The following NACC2 variants were observed in gnomAD, a reference collection of about 807,000 sequenced individuals.
NACC2 encodes NACC family member 2, also known as nucleus accumbens-associated protein 2.
In NACC2, 8 loss-of-function variants were observed where a neutral mutation model predicts 25.1. The observed-to-expected ratio is 0.32, with a 90% CI of 0.19 to 0.57. The LOEUF is 0.57. NACC2 is among the 20% of genes least tolerant of loss of function. The pLI, the probability that NACC2 is intolerant of heterozygous loss-of-function variation, is 0.89. For missense variants in NACC2, 644 were observed against 650.2 expected, an observed-to-expected ratio of 0.99 and a Z score of 0.10; for synonymous variants, 435 against 294.7, an observed-to-expected ratio of 1.48 and a Z score of -4.88.
chr9:136,037,762 G>C (rs1438941102), intron 2 of NACC2, among the ~76,000 whole-genome samples: 3 of 151,958 alleles, frequency 2.0e-5, no homozygotes, highest in African/African-American at 7.3e-5. Flanking sequence ...TCCCACCTCG[G>C]CTTCCCAAAG....
chr9:136,079,347 C>A (rs78000312), intron 1 of NACC2, among the ~76,000 whole-genome samples: 3,682 of 152,308 alleles, frequency 0.024, 131 homozygotes, highest in African/African-American at 0.083. Flanking sequence ...GGGTGCCATC[C>A]TCTGGCTTCC....
chr9:136,062,476 G>A (rs893825631), intron 1 of NACC2, among the ~76,000 whole-genome samples: 10 of 152,192 alleles, frequency 6.6e-5, no homozygotes, highest in African/African-American at 2.4e-4. Flanking sequence ...AGCAAGATCT[G>A]GTAGCACTTC....
intron 1 of NACC2, among the ~76,000 whole-genome samples, chr9:136,094,128 C>T (rs1019371739): frequency 6.6e-6 from 1 of 152,324 alleles, no homozygotes; most frequent in East Asian, 1.9e-4. Context: ...GGTCAGCACC[C>T]CCGCCACACA....
In NACC2 at chr9:136,007,234, C is replaced by G. The variant is rs1213612561; in HGVS notation, c.*4282G>C. 1 of 154,406 alleles carries G rather than the reference C, an allele frequency of 6.5e-6. No individual in the cohort carries two copies. Among genetic ancestry groups the G allele is most frequent in the Non-Finnish European group, 1.5e-5 (1 of 68,214 alleles). The allele number at this position is 154,406 out of a possible 1,614,324, so 9.6% of individuals were successfully genotyped here. On this transcript the variant is annotated 3_prime_UTR_variant, in exon 6 of 6. Transcript: ENST00000277554. ...ATGCTTGCGATTCTGCATGATTTTC[C>G]TTTCCTTTTCTTTTTCCAAAGAAAC...
At chr9:136,062,844 G>T (rs10776874) in intron 1 of NACC2, among the ~76,000 whole-genome samples, 43,057 of 152,154 alleles carry the variant, frequency 0.28, 6,941 homozygotes, top group Non-Finnish European at 0.36. Flanking sequence ...CTAAGCCTGG[G>T]AGGCCGAGGC....
chr9:136,054,848 G>C (rs1840900606), intron 1 of NACC2, among the ~76,000 whole-genome samples: 2 of 152,088 alleles, frequency 1.3e-5, no homozygotes, highest in Non-Finnish European at 1.5e-5. Flanking sequence ...CATCCTCAGG[G>C]TTGTGGCACC....
At chr9:136,032,394 C>G (rs367930828) in intron 2 of NACC2, among the ~76,000 whole-genome samples, 4 of 152,154 alleles carry the variant, frequency 2.6e-5, no homozygotes, top group African/African-American at 9.6e-5. Flanking sequence ...AAAAAAAAAC[C>G]CTCTTAACCT....
chr9:136,072,298 C>A (rs1327246408), intron 1 of NACC2, among the ~76,000 whole-genome samples: 1 of 151,880 alleles, frequency 6.6e-6, no homozygotes, highest in Non-Finnish European at 1.5e-5. Flanking sequence ...GTAATCCCAG[C>A]ACATTGGGAG....
chr9:136,031,188 G>A (rs1438645752), intron 2 of NACC2, among the ~76,000 whole-genome samples: 1 of 152,130 alleles, frequency 6.6e-6, no homozygotes, highest in Non-Finnish European at 1.5e-5. Flanking sequence ...ACTGTTCCAG[G>A]TCATTAAAGA....
intron 1 of NACC2, among the ~76,000 whole-genome samples, chr9:136,052,764 C>T (rs928679198): frequency 1.3e-5 from 2 of 152,232 alleles, no homozygotes; most frequent in Non-Finnish European, 2.9e-5. Context: ...GCTCCTCCCG[C>T]ACACTCCTGG....
chr9:136,078,062 G>A lies in NACC2; in HGVS notation c.-60+17127C>T, dbSNP rs763344027. ...GCTGGGATTATAGGCATGAGCCACC[G>A]CGTCCGGCCCAATCATACTTTTATA... On this transcript the variant is annotated intron_variant, in intron 1 of 5. Transcript: ENST00000277554. 4.5e-4 allele frequency among the ~76,000 whole-genome samples: 69 copies of A among 152,272 alleles called. 1 individual carries two copies. The highest frequency in any genetic ancestry group is 8.4e-4 in the Non-Finnish European group (57 of 68,018).
Position 136,013,819 on chromosome 9 carries a change from C to T in NACC2, c.1157+45G>A, listed in dbSNP as rs1303451609. 2.6e-6 allele frequency: 4 copies of T among 1,533,912 alleles called. No homozygotes were observed. The East Asian group carries it at 6.8e-5, about 26-fold the overall frequency. On this transcript the variant is annotated intron_variant, in intron 4 of 5. Coordinates refer to ENST00000277554, the MANE Select transcript of NACC2 (RefSeq NM_144653.5). The surrounding 1 kb of genome is among the most constrained non-coding windows in gnomAD (Gnocchi z 6.6). ...GCTCATAGCTAAAGGAGCCAGAACC[C>T]TCCGCAGCTCCATTGTGCCCTCCAG...
At chr9:136,065,845 T>C (rs1487089357) in intron 1 of NACC2, among the ~76,000 whole-genome samples, 1 of 150,680 alleles carries the variant, frequency 6.6e-6, no homozygotes, top group Non-Finnish European at 1.5e-5. Context: ...AAAACCCAGA[T>C]ACATTAGACT....
At chr9:136,092,021 G>C (rs981741763) in intron 1 of NACC2, among the ~76,000 whole-genome samples, 1 of 152,192 alleles carries the variant, frequency 6.6e-6, no homozygotes, top group East Asian at 1.9e-4. Flanking sequence ...CAGGCTGAAA[G>C]GGAAACGAGA....
At chr9:136,087,659 G>A (rs73668071) in intron 1 of NACC2, among the ~76,000 whole-genome samples, 2,390 of 152,314 alleles carry the variant, frequency 0.016, 65 homozygotes, top group African/African-American at 0.054. Context: ...AGCTCACAGC[G>A]GGAAAACTGA....
At chr9:136,066,800 T>C (rs942597961) in intron 1 of NACC2, among the ~76,000 whole-genome samples, 5 of 151,928 alleles carry the variant, frequency 3.3e-5, no homozygotes, top group African/African-American at 1.2e-4. Context: ...TCAGCAATGA[T>C]AGGAATGAAG....
intron 2 of NACC2, among the ~76,000 whole-genome samples, chr9:136,045,728 G>A (rs1055377923): frequency 7.2e-5 from 11 of 152,104 alleles, no homozygotes; most frequent in African/African-American, 1.2e-4. Flanking sequence ...GGGTGACAAC[G>A]GCCACCCCCA....
At chr9:136,067,187 G>A (rs1041810358) in intron 1 of NACC2, among the ~76,000 whole-genome samples, 5 of 151,604 alleles carry the variant, frequency 3.3e-5, no homozygotes, top group Non-Finnish European at 7.4e-5. Flanking sequence ...CCGGGAGGCG[G>A]ACGTTGCGGT....
In NACC2 at chr9:136,013,822, C is replaced by CAGAA; in HGVS notation, c.1157+41_1157+42insTTCT. ...CATAGCTAAAGGAGCCAGAACCCTC[C>CAGAA]GCAGCTCCATTGTGCCCTCCAGCAC... is the stretch of plus-strand genomic sequence containing the variant. On this transcript the variant is annotated intron_variant, in intron 4 of 5. Transcript: ENST00000277554. The surrounding 1 kb of genome is among the most constrained non-coding windows in gnomAD (Gnocchi z 6.6). 6.5e-7 allele frequency: 1 copy of CAGAA among 1,547,460 alleles called. No homozygotes were observed.
Sources: gnomAD v4.1 joint callset for allele counts (sites outside exome capture counted in the v4.1 genomes callset) on GRCh38, gnomAD v4.1.1 for gene constraint, Gnocchi (gnomAD v3.1) non-coding constraint, MANE v1.5 for transcripts, NCBI Gene and HGNC (gene_info 2026-07-23, HGNC 2026-07-21) for gene names.